Variants in DIP2B observed in about 807,000 individuals in gnomAD.
DIP2B encodes the protein disco-interacting protein 2 homolog B.
In DIP2B, 76 loss-of-function variants were observed where a neutral mutation model predicts 198.0. That is an observed-to-expected ratio of 0.38 (90% CI 0.32 to 0.46). DIP2B has a LOEUF of 0.46. Among genes scored for constraint, DIP2B ranks in the 20% least tolerant of loss-of-function variants. The pLI is 0.99. For synonymous variants in DIP2B, 701 were observed against 739.1 expected (o/e 0.95, Z 0.84); for missense variants, 1,559 against 1,978.4 (o/e 0.79, Z 4.02).
At chr12:50,720,333 T>C (rs1939811997) in intron 25 of DIP2B, among the ~76,000 whole-genome samples, 1 of 152,128 alleles carries the variant, frequency 6.6e-6, no homozygotes. Context: ...ATAGTAGTAT[T>C]TCTCCCCAGC....
intron 1 of DIP2B, among the ~76,000 whole-genome samples, chr12:50,536,759 G>A (rs914354321): frequency 6.6e-5 from 10 of 151,900 alleles, no homozygotes; most frequent in African/African-American, 2.2e-4. Flanking sequence ...GGTAGAGACG[G>A]TGTTTCTCCA....
At chr12:50,629,591 G>T (rs543239457) in intron 2 of DIP2B, among the ~76,000 whole-genome samples, 7 of 152,098 alleles carry the variant, frequency 4.6e-5, no homozygotes, top group Admixed American at 3.9e-4. Context: ...TCTTCAACCC[G>T]ATCTCTTCCG....
intron 4 of DIP2B, among the ~76,000 whole-genome samples, chr12:50,667,403 T>C (rs1938774572): frequency 6.6e-6 from 1 of 152,220 alleles, no homozygotes; most frequent in Admixed American, 6.5e-5. Context: ...GCAGAATCAG[T>C]AGGGAAATGA....
rs533218754 is a variant in DIP2B at position 50,704,961 on chromosome 12, A to G, written c.2406+741A>G. 8.5e-4 allele frequency among the ~76,000 whole-genome samples: 129 copies of G among 152,248 alleles called. 1 individual carries two copies. The highest frequency in any genetic ancestry group is 1.7e-3 in the Non-Finnish European group (115 of 68,014). On this transcript the variant is annotated intron_variant, in intron 20 of 37. Coordinates refer to ENST00000301180, the MANE Select transcript of DIP2B (RefSeq NM_173602.3). The stretch of plus-strand genomic sequence containing the variant: ...AGACTTCATTTCAAAAAACAAACAA[A>G]AAAAAAACAAAAAAGTTTGTTATTC...
chr12:50,728,099 C>T (rs1175104414), intron 29 of DIP2B, among the ~76,000 whole-genome samples: 2 of 152,154 alleles, frequency 1.3e-5, no homozygotes, highest in African/African-American at 2.4e-5. Context: ...ATGCAGTATT[C>T]GCTGGGCACG....
At chr12:50,508,729 T>TG (rs1957988986) in intron 1 of DIP2B, among the ~76,000 whole-genome samples, 1 of 150,110 alleles carries the variant, frequency 6.7e-6, no homozygotes, top group African/African-American at 2.5e-5. Flanking sequence ...TTTTTTGCGA[T>TG]GGAGTTTCTC....
intron 7 of DIP2B, among the ~76,000 whole-genome samples, chr12:50,677,770 C>G (rs1295636873): frequency 1.3e-5 from 2 of 151,870 alleles, no homozygotes; most frequent in Non-Finnish European, 2.9e-5. Flanking sequence ...ATAATTAGTT[C>G]CCCACTAAAC....
chr12:50,674,759 C>A, intron 6 of DIP2B, 130 bp downstream of exon 6: 1 of 1,104,952 alleles, frequency 9.1e-7, no homozygotes, highest in Non-Finnish European at 1.3e-6. Flanking sequence ...AATAACTAAT[C>A]CTGGGTACCT....
intron 1 of DIP2B, among the ~76,000 whole-genome samples, chr12:50,592,719 G>T (rs1246205164): frequency 1.3e-5 from 2 of 151,776 alleles, no homozygotes; most frequent in Admixed American, 1.3e-4. Context: ...CTTGTGATCT[G>T]CCCGCCTCGG....
At chr12:50,660,781 A>G (rs557787399) in intron 4 of DIP2B, among the ~76,000 whole-genome samples, 33 of 152,248 alleles carry the variant, frequency 2.2e-4, no homozygotes, top group Non-Finnish European at 4.7e-4. Context: ...GTCATTAACA[A>G]TTATGGAAGA....
chr12:50,666,596 G>A (rs941152005), intron 4 of DIP2B, among the ~76,000 whole-genome samples: 1 of 152,202 alleles, frequency 6.6e-6, no homozygotes, highest in African/African-American at 2.4e-5. Context: ...GAATCAGCAA[G>A]CCAGGGACCT....
chr12:50,645,955 A>C (rs1415463042), intron 3 of DIP2B, among the ~76,000 whole-genome samples: 1 of 152,010 alleles, frequency 6.6e-6, no homozygotes, highest in African/African-American at 2.4e-5. Flanking sequence ...ATTTTTGGGA[A>C]ATGGTGGGTC....
chr12:50,724,934 TAC>T, intron 28 of DIP2B, 48 bp downstream of exon 28: 1 of 1,538,964 alleles, frequency 6.5e-7, no homozygotes, highest in Non-Finnish European at 9.0e-7. Context: ...GAGCTCACAA[TAC>T]CTGAGATCTC....
intron 1 of DIP2B, among the ~76,000 whole-genome samples, chr12:50,594,132 T>C (rs1958858896): frequency 6.6e-6 from 1 of 150,468 alleles, no homozygotes; most frequent in Admixed American, 6.6e-5. Flanking sequence ...TTAGTAGAGG[T>C]GGGATTTCAC....
chr12:50,539,519 G>A (rs978784325), intron 1 of DIP2B, among the ~76,000 whole-genome samples: 3 of 151,510 alleles, frequency 2.0e-5, no homozygotes, highest in African/African-American at 7.3e-5. Context: ...TCAGGAGACA[G>A]GCAGGAGAAT....
At chr12:50,587,548 G>A (rs1412275118) in intron 1 of DIP2B, among the ~76,000 whole-genome samples, 1 of 152,126 alleles carries the variant, frequency 6.6e-6, no homozygotes, top group African/African-American at 2.4e-5. Flanking sequence ...TCATAGAGGT[G>A]TATAGAAATG....
intron 1 of DIP2B, among the ~76,000 whole-genome samples, chr12:50,583,621 C>T (rs1958744616): frequency 6.6e-6 from 1 of 152,138 alleles, no homozygotes. Context: ...ACTGATAAAC[C>T]CATCCTAAGT....
At chr12:50,670,848 A>G (rs978757990) in intron 4 of DIP2B, among the ~76,000 whole-genome samples, 1 of 152,228 alleles carries the variant, frequency 6.6e-6, no homozygotes, top group Non-Finnish European at 1.5e-5. Flanking sequence ...GAAGACATAT[A>G]AGTACTTCAG....
chr12:50,741,443 G>A lies in DIP2B; in HGVS notation c.4382G>A (p.Gly1461Glu). ...CGTCATGATGCATTGTATGTGGTGG[G>A]AGCGCTGGATGAAACACTGGAGCTG... ...GERHDALYVV[G>E]ALDETLELRG... Residue 1461 changes from glycine to glutamate, a missense_variant, in exon 37 of 38, where the codon GGA becomes GAA. Coordinates refer to ENST00000301180, the MANE Select transcript of DIP2B (RefSeq NM_173602.3). 6.2e-7 allele frequency: 1 copy of A among 1,614,062 alleles called. No individual in the cohort carries two copies. The highest frequency in any genetic ancestry group is 8.5e-7 in the Non-Finnish European group (1 of 1,180,028).
Sources: allele counts gnomAD v4.1 joint callset (sites outside exome capture counted in the v4.1 genomes callset), GRCh38; gene constraint gnomAD v4.1.1; transcripts MANE v1.5; gene names NCBI Gene and HGNC (gene_info 2026-07-23, HGNC 2026-07-21).